Variants in TCF12 observed in about 807,000 individuals in gnomAD.
TCF12 encodes DNA-binding protein HTF4.
A neutral mutation model predicts 86.0 loss-of-function variants in TCF12; 45 were observed. The observed-to-expected ratio is 0.52, with a 90% CI of 0.41 to 0.67. TCF12 has a LOEUF of 0.67. Among genes scored for constraint, TCF12 ranks in the 30% least tolerant of loss-of-function variants. TCF12 has a pLI of 0.00. For synonymous variants in TCF12, 330 were observed against 299.6 expected, an observed-to-expected ratio of 1.10 and a Z score of -1.05; for missense variants, 881 against 859.9, an observed-to-expected ratio of 1.02 and a Z score of -0.31.
chr15:56,987,119 T>C (rs1476486490), intron 3 of TCF12, among the ~76,000 whole-genome samples: 2 of 152,060 alleles, frequency 1.3e-5, no homozygotes, highest in African/African-American at 2.4e-5. Context: ...TTTTTTTTTT[T>C]CCACCCTGAG....
At chr15:57,256,784 A>T (rs1328983691) in intron 16 of TCF12, among the ~76,000 whole-genome samples, 6 of 152,154 alleles carry the variant, frequency 3.9e-5, no homozygotes, top group Non-Finnish European at 8.8e-5. Flanking sequence ...TCATTATTCC[A>T]TTTGTTTATT....
intron 3 of TCF12, among the ~76,000 whole-genome samples, chr15:56,950,024 A>G (rs1222557224): frequency 6.6e-6 from 1 of 152,224 alleles, no homozygotes; most frequent in Admixed American, 6.5e-5. Context: ...TAAGTAGCAC[A>G]TATTTAGTGT....
chr15:57,092,081 A>G, intron 5 of TCF12, 190 bp downstream of exon 5: 2 of 461,590 alleles, frequency 4.3e-6, no homozygotes, highest in Non-Finnish European at 7.8e-6. Context: ...GTCTACTCTT[A>G]AAGCATTATT....
chr15:57,170,736 T>TAA (rs1555526148), intron 6 of TCF12, among the ~76,000 whole-genome samples: 8 of 2,202 alleles, frequency 3.6e-3, no homozygotes, highest in East Asian at 0.013. Context: ...ATATTATATA[T>TAA]AATATATATT....
intron 8 of TCF12, among the ~76,000 whole-genome samples, chr15:57,223,665 T>TG (rs1566940973): frequency 3.4e-5 from 5 of 146,602 alleles, no homozygotes; most frequent in South Asian, 4.4e-4. Context: ...TTTTTTTTTT[T>TG]TTTTTTAGAA....
At chr15:57,240,262 T>TG in intron 12 of TCF12, among the ~76,000 whole-genome samples, 1 of 152,312 alleles carries the variant, frequency 6.6e-6, no homozygotes, top group East Asian at 1.9e-4. Context: ...CTCATTCTTC[T>TG]GGGGCTTATA....
intron 5 of TCF12, among the ~76,000 whole-genome samples, chr15:57,092,998 T>G (rs2049088118): frequency 6.6e-6 from 1 of 152,180 alleles, no homozygotes; most frequent in African/African-American, 2.4e-5. Context: ...AATCTGATAG[T>G]CTAGTGTGGA....
intron 3 of TCF12, among the ~76,000 whole-genome samples, chr15:56,991,500 ATTGT>A (rs1293863273): frequency 3.2e-4 from 49 of 152,208 alleles, no homozygotes; most frequent in Non-Finnish European, 8.8e-5. Flanking sequence ...AGAAAATCTA[ATTGT>A]TTGACAGTAA....
chr15:57,031,936 C>A (rs977926839), intron 3 of TCF12, among the ~76,000 whole-genome samples: 11 of 152,162 alleles, frequency 7.2e-5, no homozygotes, highest in Non-Finnish European at 1.5e-5. Context: ...GGGAGGGTAC[C>A]TTCAGCTCTG....
intron 3 of TCF12, among the ~76,000 whole-genome samples, chr15:57,043,307 T>C (rs1377207471): frequency 6.6e-6 from 1 of 152,188 alleles, no homozygotes; most frequent in Non-Finnish European, 1.5e-5. Flanking sequence ...TATCCAGAAG[T>C]GGGATTGCTG....
chr15:57,194,906 T>C (rs958443647), intron 7 of TCF12, among the ~76,000 whole-genome samples: 3 of 152,180 alleles, frequency 2.0e-5, no homozygotes, highest in African/African-American at 7.2e-5. Flanking sequence ...TATATTTATG[T>C]ATTTTTCTTT....
At chr15:57,159,702 A>G (rs2054358670) in intron 5 of TCF12, among the ~76,000 whole-genome samples, 1 of 82,306 alleles carries the variant, frequency 1.2e-5, no homozygotes, top group Non-Finnish European at 2.4e-5. Context: ...AGCTTTTAAG[A>G]AAAACCAGTC....
intron 3 of TCF12, among the ~76,000 whole-genome samples, chr15:57,038,918 G>T (rs1414293615): frequency 6.6e-6 from 1 of 152,172 alleles, no homozygotes. Context: ...TAGCTGAGGG[G>T]ACACGGGATA....
chr15:57,071,103 T>A (rs529245604), intron 4 of TCF12, among the ~76,000 whole-genome samples: 1 of 152,236 alleles, frequency 6.6e-6, no homozygotes, highest in South Asian at 2.1e-4. Context: ...TAAGTCATAT[T>A]TGCCTAAAGA....
At chr15:57,047,994 A>G (rs944947556) in intron 3 of TCF12, among the ~76,000 whole-genome samples, 3 of 105,074 alleles carry the variant, frequency 2.9e-5, no homozygotes, top group Non-Finnish European at 4.5e-5. Flanking sequence ...ATCTAAACAT[A>G]GAAAAGGTAC....
At position 57,252,427 on chromosome 15, in the gene TCF12, C is replaced by G. The variant is rs1222669487; in HGVS notation, c.1195C>G (p.Arg399Gly). 1.9e-6 allele frequency: 3 copies of G among 1,613,602 alleles called. No individual in the cohort carries two copies. Among genetic ancestry groups the G allele is most frequent in the Non-Finnish European group, 2.5e-6 (3 of 1,179,788 alleles). The change falls in exon 15 of 21, where the codon CGA becomes GGA. Residue 399 changes from arginine to glycine, a missense_variant. Coordinates refer to ENST00000333725, the MANE Select transcript of TCF12 (RefSeq NM_207037.2). ...YENSLHSLKN[R>G]VEQQLHEHLQ... Reference sequence around the variant, plus strand: ...TCTGTCTTGACTTTGCCAGAAAAATCGAGTTGAGCAGCAACTTCACGAGCA... The same window carrying G: ...TCTGTCTTGACTTTGCCAGAAAAATGGAGTTGAGCAGCAACTTCACGAGCA...
chr15:57,065,811 GTTTA>G (rs1411247072), intron 4 of TCF12, among the ~76,000 whole-genome samples: 3 of 151,942 alleles, frequency 2.0e-5, no homozygotes, highest in South Asian at 4.1e-4. Context: ...ATTTTACTTA[GTTTA>G]TTTATTTTTA....
At chr15:57,045,732 G>T (rs2067190321) in intron 3 of TCF12, among the ~76,000 whole-genome samples, 1 of 152,030 alleles carries the variant, frequency 6.6e-6, no homozygotes, top group Non-Finnish European at 1.5e-5. Flanking sequence ...TTTTTGTAGA[G>T]ATGGGGTTTC....
chr15:57,151,662 G>A (rs888049582), intron 5 of TCF12, among the ~76,000 whole-genome samples: 21 of 152,028 alleles, frequency 1.4e-4, no homozygotes, highest in Admixed American at 1.3e-3. Context: ...CTCCTTGGGA[G>A]GCTGAGGCAG....
Sources: gnomAD v4.1 joint callset for allele counts (sites outside exome capture counted in the v4.1 genomes callset) on GRCh38, gnomAD v4.1.1 for gene constraint, MANE v1.5 for transcripts, NCBI Gene and HGNC (gene_info 2026-07-23, HGNC 2026-07-21) for gene names.